PCDHA5: variants seen among roughly 807,000 people sequenced by gnomAD.
PCDHA5 encodes protocadherin alpha-5.
PCDHA5 carries 43 observed loss-of-function variants against 61.6 expected under a neutral mutation model. That is an observed-to-expected ratio of 0.70 (90% CI 0.55 to 0.90). The LOEUF (loss-of-function observed/expected upper bound fraction) is 0.90. Among genes scored for constraint, PCDHA5 ranks in the 40% least tolerant of loss-of-function variants. PCDHA5 has a pLI of 0.00. For missense variants in PCDHA5, 1,298 were observed against 1,222.7 expected (o/e 1.06, Z -0.92); for synonymous variants, 627 against 543.9 (o/e 1.15, Z -2.13).
In PCDHA5 at chr5:140,883,674, C is replaced by A. The variant is rs782029001; in HGVS notation, c.2352+59547C>A. The A allele has an allele frequency of 4.3e-5, 70 of 1,613,620 alleles. No homozygotes were observed. The highest frequency in any genetic ancestry group is 5.8e-5 in the Non-Finnish European group (69 of 1,179,878). On this transcript the variant is annotated intron_variant, in intron 1 of 3. Transcript: ENST00000529859. ...ACGGTGTTCGTGAAGGAAAACAATC[C>A]GCCGGGCTGCCACATCTTCACGGTG...
At chr5:140,870,912 C>A in intron 1 of PCDHA5, 1 of 1,613,952 alleles carries the variant, frequency 6.2e-7, no homozygotes, top group South Asian at 1.1e-5. Context: ...CAGGCTACAA[C>A]GCGTGGCTTT....
intron 1 of PCDHA5, among the ~76,000 whole-genome samples, chr5:140,930,708 C>T (rs1554208021): frequency 2.0e-5 from 3 of 152,088 alleles, no homozygotes; most frequent in Admixed American, 2.0e-4. Flanking sequence ...AGTTATTCTT[C>T]CTCAAGTAAT....
At chr5:140,843,068 C>G in intron 1 of PCDHA5, 1 of 1,595,216 alleles carries the variant, frequency 6.3e-7, no homozygotes, top group East Asian at 2.2e-5. Context: ...GCTGGTGCCG[C>G]GGTCTGTGGG....
At chr5:141,001,122 TAAAC>T (rs1274933487) in intron 3 of PCDHA5, among the ~76,000 whole-genome samples, 1 of 152,154 alleles carries the variant, frequency 6.6e-6, no homozygotes, top group African/African-American at 2.4e-5. Flanking sequence ...CAATAGTCCT[TAAAC>T]AAATGAATCT....
chr5:140,988,075 A>G (rs139957067), intron 3 of PCDHA5, among the ~76,000 whole-genome samples: 4 of 152,258 alleles, frequency 2.6e-5, no homozygotes, highest in Non-Finnish European at 4.4e-5. Flanking sequence ...TTTCTATTTC[A>G]TGAGTGAGTG....
chr5:141,002,841 G>T (rs2098098318), intron 3 of PCDHA5, among the ~76,000 whole-genome samples: 1 of 152,196 alleles, frequency 6.6e-6, no homozygotes, highest in African/African-American at 2.4e-5. Flanking sequence ...CCAGGACTAT[G>T]CACTAGTGAG....
At chr5:140,933,651 C>G (rs2089301034) in intron 1 of PCDHA5, among the ~76,000 whole-genome samples, 1 of 151,824 alleles carries the variant, frequency 6.6e-6, no homozygotes, top group South Asian at 2.1e-4. Flanking sequence ...GTTGGAAATC[C>G]TGTCTCTCTC....
At chr5:140,882,331 C>G (rs781801545) in intron 1 of PCDHA5, 3 of 1,614,214 alleles carry the variant, frequency 1.9e-6, no homozygotes, top group South Asian at 1.1e-5. Flanking sequence ...TTCTGATCCT[C>G]GCAGCCTGGG....
intron 1 of PCDHA5, among the ~76,000 whole-genome samples, chr5:140,942,450 C>A (rs1017198131): frequency 6.6e-6 from 1 of 151,378 alleles, no homozygotes; most frequent in African/African-American, 2.4e-5. Flanking sequence ...AGTAAACTAT[C>A]AATTATAATA....
At position 140,876,514 on chromosome 5, in the gene PCDHA5, C is replaced by T. The variant is rs782076196; in HGVS notation, c.2352+52387C>T. ...AGTTCTGGACGTGAATGACAATGTC[C>T]CTGAAGTAATGGTTACTTCACTGTC... On this transcript the variant is annotated intron_variant, in intron 1 of 3. Coordinates refer to ENST00000529859, the MANE Select transcript of PCDHA5 (RefSeq NM_018908.3). 2.5e-6 allele frequency: 4 copies of T among 1,614,026 alleles called. No homozygotes were observed. In the Admixed American group the frequency reaches 6.7e-5, roughly 27 times the overall value.
chr5:140,997,614 A>T (rs1355709943), intron 3 of PCDHA5, among the ~76,000 whole-genome samples: 2 of 152,148 alleles, frequency 1.3e-5, no homozygotes, highest in African/African-American at 4.8e-5. Context: ...GCATGACTAT[A>T]TAGAGATTTT....
intron 1 of PCDHA5, chr5:140,966,860 T>C (rs1586162562): frequency 3.2e-6 from 5 of 1,577,484 alleles, no homozygotes; most frequent in East Asian, 2.3e-5. Context: ...CCTGCTGCTG[T>C]TGCTGCTGCT....
intron 1 of PCDHA5, chr5:140,849,515 T>C: frequency 6.3e-7 from 1 of 1,596,992 alleles, no homozygotes; most frequent in Non-Finnish European, 8.6e-7. Context: ...TTGTGGAAGT[T>C]GTGGATGTAA....
chr5:140,943,270 AAAAAAAAG>A (rs1301290983), intron 1 of PCDHA5, among the ~76,000 whole-genome samples: 4 of 150,618 alleles, frequency 2.7e-5, no homozygotes, highest in African/African-American at 4.9e-5. Context: ...AAAAAAAAAA[AAAAAAAAG>A]AAAGAAAGAA....
intron 1 of PCDHA5, chr5:140,854,223 C>A: frequency 1.1e-5 from 7 of 631,586 alleles, no homozygotes; most frequent in Non-Finnish European, 1.2e-5. Flanking sequence ...TGGACATCTA[C>A]ATTGGGATAT....
At chr5:140,833,422 G>C (rs2150208269) in intron 1 of PCDHA5, among the ~76,000 whole-genome samples, 10 of 152,298 alleles carry the variant, frequency 6.6e-5, no homozygotes, top group African/African-American at 2.2e-4. Flanking sequence ...CTGTATGTGA[G>C]ATGGCTGAGC....
At chr5:140,858,061 C>A (rs1554151115) in intron 1 of PCDHA5, 1 of 1,597,498 alleles carries the variant, frequency 6.3e-7, no homozygotes, top group South Asian at 1.1e-5. Context: ...TTGTGGAGGG[C>A]AGCCAGGCAC....
intron 1 of PCDHA5, among the ~76,000 whole-genome samples, chr5:140,940,219 T>C (rs1554213221): frequency 6.6e-6 from 1 of 152,180 alleles, no homozygotes; most frequent in Non-Finnish European, 1.5e-5. Context: ...TTGGCATTTA[T>C]TTCATTTTGG....
At chr5:140,950,579 A>G (rs2094498747) in intron 1 of PCDHA5, among the ~76,000 whole-genome samples, 1 of 151,956 alleles carries the variant, frequency 6.6e-6, no homozygotes, top group African/African-American at 2.4e-5. Flanking sequence ...TTTTCTACTT[A>G]CCTTTGGTTT....
Sources: allele counts gnomAD v4.1 joint callset (sites outside exome capture counted in the v4.1 genomes callset), GRCh38; gene constraint gnomAD v4.1.1; transcripts MANE v1.5; gene names NCBI Gene and HGNC (gene_info 2026-07-23, HGNC 2026-07-21).